ULK4: variants seen among roughly 807,000 people sequenced by gnomAD.
The protein encoded by ULK4 is unc-51 like kinase 4, also known as inactive serine/threonine-protein kinase ULK4.
ULK4 carries 133 observed loss-of-function variants against 160.6 expected under a neutral mutation model. The ratio of observed to expected loss-of-function variants is 0.83; its 90% CI spans 0.72 to 0.96. The LOEUF (loss-of-function observed/expected upper bound fraction) is 0.96. ULK4 is among the 40% of genes least tolerant of loss of function. ULK4 has a pLI of 0.00. For synonymous variants in ULK4, 534 were observed against 539.8 expected (o/e 0.99, Z 0.15); for missense variants, 1,580 against 1,499.5 (o/e 1.05, Z -0.89).
intron 11 of ULK4, 123 bp from the exon 12 acceptor site, chr3:41,908,064 C>G: frequency 2.4e-6 from 1 of 421,162 alleles, no homozygotes; most frequent in African/African-American, 2.1e-5. Flanking sequence ...TATACTGTCA[C>G]TAAAAAAGTC....
intron 21 of ULK4, among the ~76,000 whole-genome samples, chr3:41,760,537 C>T (rs1159735937): frequency 6.6e-6 from 1 of 152,104 alleles, no homozygotes; most frequent in Non-Finnish European, 1.5e-5. Context: ...ATCTGTAATG[C>T]TCCCAAATCC....
Position 41,246,953 on chromosome 3 carries a change from T to C in ULK4, c.3804A>G (p.Glu1268=). The C allele has an allele frequency of 6.2e-7, 1 of 1,613,800 alleles. No individual in the cohort carries two copies. The highest frequency in any genetic ancestry group is 8.5e-7 in the Non-Finnish European group (1 of 1,179,912). ...ADSAVAPLAL[E]ILQAVGH is the part of the protein sequence containing the mutation. Reference sequence around the variant, plus strand: ...CCTAGTGCCCAACGGCTTGGAGGATTTCCAGGGCCAAGGGAGCCACCGCAC... The same window carrying C: ...CCTAGTGCCCAACGGCTTGGAGGATCTCCAGGGCCAAGGGAGCCACCGCAC... The change falls in exon 37 of 37, where the codon GAA becomes GAG. Residue 1268 remains glutamate (E), a synonymous_variant. Coordinates refer to ENST00000301831, the MANE Select transcript of ULK4 (RefSeq NM_017886.4).
At chr3:41,315,314 CTT>C (rs1281523442) in intron 35 of ULK4, among the ~76,000 whole-genome samples, 1 of 152,116 alleles carries the variant, frequency 6.6e-6, no homozygotes, top group East Asian at 1.9e-4. Context: ...AAGTCACAGA[CTT>C]TGTTCATTTC....
chr3:41,951,742 T>C (rs1700301851), intron 2 of ULK4, among the ~76,000 whole-genome samples: 1 of 152,140 alleles, frequency 6.6e-6, no homozygotes, highest in African/African-American at 2.4e-5. Context: ...TATTAGGAGG[T>C]GGAACCTTTA....
chr3:41,726,405 A>G (rs796376618), intron 22 of ULK4, among the ~76,000 whole-genome samples: 128 of 152,344 alleles, frequency 8.4e-4, no homozygotes, highest in African/African-American at 3.0e-3. Flanking sequence ...AGAGAACATT[A>G]TTTTCTAAAA....
rs1343092663 is a variant in ULK4, at chr3:41,275,317, G to A, written c.3679-25743C>T. Among the ~76,000 whole-genome samples, 3 of 152,314 alleles carry A rather than the reference G, an allele frequency of 2.0e-5. No individual in the cohort carries two copies. In the East Asian group the frequency reaches 5.8e-4, roughly 29 times the overall value. Reference sequence around the variant, plus strand: ...AACAATTTGCTGGTTGCAAAGAACAGTTCTATAGCACTTTGTTAAGGGTTA... The same window carrying A: ...AACAATTTGCTGGTTGCAAAGAACAATTCTATAGCACTTTGTTAAGGGTTA... On this transcript the variant is annotated intron_variant, in intron 35 of 36. Coordinates refer to ENST00000301831, the MANE Select transcript of ULK4 (RefSeq NM_017886.4).
At chr3:41,849,156 C>T (rs891621967) in intron 17 of ULK4, among the ~76,000 whole-genome samples, 4 of 152,106 alleles carry the variant, frequency 2.6e-5, no homozygotes, top group African/African-American at 4.8e-5. Flanking sequence ...TTTTTGTTAC[C>T]GTAACATAAG....
At chr3:41,568,297 G>A (rs2087854588) in intron 31 of ULK4, among the ~76,000 whole-genome samples, 1 of 152,156 alleles carries the variant, frequency 6.6e-6, no homozygotes, top group Non-Finnish European at 1.5e-5. Context: ...GTGCTGCAGG[G>A]GAAGCTGCAA....
In ULK4 at chr3:41,797,704, T is replaced by C. The variant is rs368889759; in HGVS notation, c.2010+2428A>G. Among the ~76,000 whole-genome samples, 43 of 151,800 alleles carry C rather than the reference T, an allele frequency of 2.8e-4. 1 individual carries two copies. The East Asian group carries it at 6.0e-3, about 21-fold the overall frequency. The stretch of plus-strand genomic sequence containing the variant: ...GTGAAACCACATCTCTACTAAAAAA[T>C]ACAAAAATCAGCTGGGTGTGGCAGC... On this transcript the variant is annotated intron_variant, in intron 20 of 36. Transcript: ENST00000301831.
intron 14 of ULK4, among the ~76,000 whole-genome samples, chr3:41,897,339 A>C (rs1698195329): frequency 6.6e-6 from 1 of 152,222 alleles, no homozygotes; most frequent in Non-Finnish European, 1.5e-5. Context: ...CTTTGTATAA[A>C]TAAATCAACT....
intron 22 of ULK4, among the ~76,000 whole-genome samples, chr3:41,739,275 C>G (rs6779728): frequency 6.6e-6 from 1 of 151,880 alleles, no homozygotes; most frequent in African/African-American, 2.4e-5. Context: ...ACATACTCCT[C>G]TGTGTGGCCT....
rs1698777561 is a variant in ULK4 at position 41,911,359 on chromosome 3, C to T, written c.1043G>A (p.Ser348Asn). The part of the protein sequence containing the change: ...LENPTEFRPK[S>N]TLEGQLNESM... Reference sequence around the variant, plus strand: ...TTCATTCAATTGACCCTCAAGAGTACTCTTAGGCCGAAACTCAGTTGGATT... The same window carrying T: ...TTCATTCAATTGACCCTCAAGAGTATTCTTAGGCCGAAACTCAGTTGGATT... Residue 348 changes from serine to asparagine, a missense_variant, in exon 11 of 37, where the codon AGT (serine) becomes AAT (asparagine). Physicochemically the swap from Ser to Asn is conservative, Grantham distance 46. Transcript: ENST00000301831. 6.2e-7 allele frequency: 1 copy of T among 1,614,116 alleles called. No individual in the cohort carries two copies. Among genetic ancestry groups the T allele is most frequent in the Non-Finnish European group, 8.5e-7 (1 of 1,180,010 alleles).
At chr3:41,296,463 G>A (rs2079670241) in intron 35 of ULK4, among the ~76,000 whole-genome samples, 1 of 152,118 alleles carries the variant, frequency 6.6e-6, no homozygotes, top group Admixed American at 6.5e-5. Context: ...CCAGAACTGA[G>A]TTTCCTGGCC....
In ULK4 at chr3:41,473,661, CAAAGAA is replaced by C. The variant is rs1316534764; in HGVS notation, c.3227-10414_3227-10409del. The stretch of plus-strand genomic sequence containing the variant: ...TGGGCAACAGAATGAGATTCTGTCT[CAAAGAA>C]AAAAAAAAAAAAAAAAAGAAGAACT... On this transcript the variant is annotated intron_variant, in intron 32 of 36. Coordinates refer to ENST00000301831, the MANE Select transcript of ULK4 (RefSeq NM_017886.4). Among the ~76,000 whole-genome samples the C allele has an allele frequency of 3.9e-3, 98 of 25,286 alleles. 1 individual carries two copies. The highest frequency in any genetic ancestry group is 0.017 in the African/African-American group (94 of 5,498). 16.6% of individuals were successfully genotyped at this position (25,286 alleles called of 152,430 possible).
At chr3:41,827,325 G>A (rs2041396866) in intron 18 of ULK4, among the ~76,000 whole-genome samples, 1 of 151,534 alleles carries the variant, frequency 6.6e-6, no homozygotes, top group Non-Finnish European at 1.5e-5. Flanking sequence ...AGAACTGAAG[G>A]AGACAGAGAC....
At chr3:41,945,149 C>T (rs1440080031) in intron 2 of ULK4, among the ~76,000 whole-genome samples, 1 of 152,196 alleles carries the variant, frequency 6.6e-6, no homozygotes, top group Non-Finnish European at 1.5e-5. Flanking sequence ...GGAATCAAGA[C>T]TCTGCCATCA....
chr3:41,941,710 C>T (rs1699962222), intron 2 of ULK4, among the ~76,000 whole-genome samples: 1 of 125,408 alleles, frequency 8.0e-6, no homozygotes, highest in Non-Finnish European at 1.6e-5. Flanking sequence ...GAGCCGTGAT[C>T]ACATCACTGC....
intron 31 of ULK4, among the ~76,000 whole-genome samples, chr3:41,609,580 T>C (rs1316372950): frequency 1.3e-5 from 2 of 152,220 alleles, no homozygotes; most frequent in South Asian, 2.1e-4. Flanking sequence ...AAGCCCTGAA[T>C]GGGTATAGAT....
chr3:41,810,235 T>C (rs2040779725), intron 19 of ULK4, among the ~76,000 whole-genome samples: 1 of 152,252 alleles, frequency 6.6e-6, no homozygotes, highest in Non-Finnish European at 1.5e-5. Flanking sequence ...GTTTTATTTC[T>C]TTCATGTGTC....
Sources: allele counts gnomAD v4.1 joint callset (sites outside exome capture counted in the v4.1 genomes callset), GRCh38; gene constraint gnomAD v4.1.1; transcripts MANE v1.5; gene names NCBI Gene and HGNC (gene_info 2026-07-23, HGNC 2026-07-21).